Variants in PROKR2 observed in about 807,000 individuals in gnomAD.
PROKR2 encodes the protein prokineticin receptor 2, also known as G protein-coupled receptor 73-like 1.
A neutral mutation model predicts 23.4 loss-of-function variants in PROKR2; 26 were observed. The ratio of observed to expected loss-of-function variants is 1.11; its 90% CI spans 0.81 to 1.54. PROKR2 has a LOEUF of 1.54. Among genes scored for constraint, PROKR2 ranks in the 40% most tolerant of loss-of-function variants. The probability of loss-of-function intolerance (pLI) is 0.00; values close to 1 mark genes in which losing one functional copy is unlikely to be tolerated. For missense variants in PROKR2, 453 were observed against 511.5 expected (o/e 0.89, Z 1.10); for synonymous variants, 212 against 201.2 (o/e 1.05, Z -0.45).
rs1423028493 is a variant in PROKR2, at chr20:5,301,910, T to C, written c.*130A>G. 3.9e-6 allele frequency: 3 copies of C among 766,188 alleles called. No individual in the cohort carries two copies. Among genetic ancestry groups the C allele is most frequent in the Admixed American group, 2.4e-5 (1 of 42,308 alleles). 47.5% of individuals were successfully genotyped at this position (766,188 alleles called of 1,614,324 possible). A position where few individuals can be genotyped will look rare whatever the true frequency, so the allele number is the denominator to read the frequency against. On this transcript the variant is annotated 3_prime_UTR_variant, in exon 3 of 3. Coordinates refer to ENST00000678254, the MANE Select transcript of PROKR2 (RefSeq NM_144773.4). ...CATTGTATGTTACGACTTTGCAGCA[T>C]TCAGCTTCTTGAGGGCACGGGGGAG... is the stretch of plus-strand genomic sequence containing the variant.
intron 2 of PROKR2, 123 bp from the exon 3 acceptor site, chr20:5,302,859 T>A: frequency 1.4e-6 from 1 of 728,736 alleles, no homozygotes; most frequent in South Asian, 1.7e-5. Context: ...TTATCCAGCT[T>A]TAACAAGCTT....
At position 5,299,849 on chromosome 20, in the gene PROKR2, T is replaced by C. The variant is rs1456136411; in HGVS notation, c.*2191A>G. Among the ~76,000 whole-genome samples, 2 of 152,172 alleles carry C rather than the reference T, an allele frequency of 1.3e-5. No homozygotes were observed. The highest frequency in any genetic ancestry group is 4.8e-5 in the African/African-American group (2 of 41,438). On this transcript the variant is annotated 3_prime_UTR_variant, in exon 3 of 3. Coordinates refer to ENST00000678254, the MANE Select transcript of PROKR2 (RefSeq NM_144773.4). ...CATGTTGGCCAGGCTGGTCTTGAAC[T>C]CCTGACCTCAGGTGATCTGCCCATC...
intron 1 of PROKR2, among the ~76,000 whole-genome samples, chr20:5,315,573 G>C (rs1482177396): frequency 2.0e-5 from 3 of 152,124 alleles, no homozygotes; most frequent in Non-Finnish European, 4.4e-5. Flanking sequence ...CGGGATGCTG[G>C]GTAGCAAGGA....
At chr20:5,309,519 G>A (rs1407382625) in intron 2 of PROKR2, among the ~76,000 whole-genome samples, 4 of 152,134 alleles carry the variant, frequency 2.6e-5, no homozygotes, top group African/African-American at 9.7e-5. Flanking sequence ...CTCTTTCACA[G>A]TTAAAGATCT....
Position 5,299,832 on chromosome 20 carries a change from CCAGG to C in PROKR2, c.*2204_*2207del, listed in dbSNP as rs1978923034. ...GAGATGGGGTTTTTGGCCATGTTGG[CCAGG>C]CTGGTCTTGAACTCCTGACCTCAGG... is the stretch of plus-strand genomic sequence containing the variant. On this transcript the variant is annotated 3_prime_UTR_variant, in exon 3 of 3. Coordinates refer to ENST00000678254, the MANE Select transcript of PROKR2 (RefSeq NM_144773.4). Among the ~76,000 whole-genome samples the C allele has an allele frequency of 6.6e-6, 1 of 152,046 alleles. No homozygotes were observed. The highest frequency in any genetic ancestry group is 1.5e-5 in the Non-Finnish European group (1 of 68,026).
At chr20:5,312,944 T>A (rs1046167388) in intron 2 of PROKR2, among the ~76,000 whole-genome samples, 5 of 152,256 alleles carry the variant, frequency 3.3e-5, no homozygotes, top group African/African-American at 9.6e-5. Flanking sequence ...GTTCTACAGG[T>A]CTATAGGGTG....
chr20:5,316,400 GC>G lies in PROKR2; in HGVS notation c.-9+93del. The stretch of plus-strand genomic sequence containing the variant: ...TGGCGGGAGGCAAAGCAGCCGGAAT[GC>G]CCGAGAAAAAAGTGGGCGTCAGAGG... On this transcript the variant is annotated intron_variant, in intron 1 of 2. Coordinates refer to ENST00000678254, the MANE Select transcript of PROKR2 (RefSeq NM_144773.4). This position sits in a 1 kb window ranked among gnomAD's most constrained non-coding sequence, Gnocchi z 5.0. The G allele has an allele frequency of 2.2e-6, 1 of 456,250 alleles. No individual in the cohort carries two copies. The highest frequency in any genetic ancestry group is 1.5e-5 in the South Asian group (1 of 64,538). 28.3% of individuals were successfully genotyped at this position (456,250 alleles called of 1,614,324 possible).
intron 2 of PROKR2, among the ~76,000 whole-genome samples, chr20:5,310,906 T>C (rs1413063898): frequency 6.6e-6 from 1 of 152,208 alleles, no homozygotes; most frequent in Non-Finnish European, 1.5e-5. Flanking sequence ...TTAAAACACA[T>C]TGTCTTCTGG....
At chr20:5,313,273 A>G (rs6085088) in intron 2 of PROKR2, among the ~76,000 whole-genome samples, 77,645 of 152,182 alleles carry the variant, frequency 0.51, 20,130 homozygotes, top group African/African-American at 0.61. Flanking sequence ...GCACACCAAC[A>G]TATGCAGAAA....
Position 5,313,581 on chromosome 20 carries a change from CT to C in PROKR2, c.458+330del, listed in dbSNP as rs1979522144. Among the ~76,000 whole-genome samples, 3 of 152,366 alleles carry C rather than the reference CT, an allele frequency of 2.0e-5. No individual in the cohort carries two copies. In the South Asian group the frequency reaches 6.2e-4, roughly 32 times the overall value. Reference sequence around the variant, plus strand: ...TAGTACATGTTTTCCTGACTGGAAGCTGCCCTAGTTAACTCTCATGTGGCTT... The same window carrying C: ...TAGTACATGTTTTCCTGACTGGAAGCGCCCTAGTTAACTCTCATGTGGCTT... On this transcript the variant is annotated intron_variant, in intron 2 of 2. Coordinates refer to ENST00000678254, the MANE Select transcript of PROKR2 (RefSeq NM_144773.4).
chr20:5,315,831 G>C (rs1979648036), intron 1 of PROKR2: 1 of 456,474 alleles, frequency 2.2e-6, no homozygotes, highest in Non-Finnish European at 4.4e-6. Context: ...GCTCAGCGTG[G>C]GACCAAGAAT....
In PROKR2 at chr20:5,300,890, A is replaced by C. The variant is rs1314174882; in HGVS notation, c.*1150T>G. On this transcript the variant is annotated 3_prime_UTR_variant, in exon 3 of 3. Coordinates refer to ENST00000678254, the MANE Select transcript of PROKR2 (RefSeq NM_144773.4). Reference sequence around the variant, plus strand: ...AAATCCTTTGCACTGAGGAGGCAAAAATTGACACCTCAGGATTACCCATCT... The same window carrying C: ...AAATCCTTTGCACTGAGGAGGCAAACATTGACACCTCAGGATTACCCATCT... Among the ~76,000 whole-genome samples the C allele has an allele frequency of 6.6e-6, 1 of 152,186 alleles. No homozygotes were observed. The highest frequency in any genetic ancestry group is 1.5e-5 in the Non-Finnish European group (1 of 68,036).
chr20:5,307,083 C>G (rs1249726766), intron 2 of PROKR2, among the ~76,000 whole-genome samples: 1 of 152,150 alleles, frequency 6.6e-6, no homozygotes, highest in African/African-American at 2.4e-5. Context: ...GGAAGAGATT[C>G]CAGGAGGATC....
intron 2 of PROKR2, 124 bp from the exon 3 acceptor site, chr20:5,302,860 T>C: frequency 1.4e-6 from 1 of 732,080 alleles, no homozygotes; most frequent in Non-Finnish European, 2.3e-6. Context: ...TATCCAGCTT[T>C]AACAAGCTTC....
rs1978978864 is a variant in PROKR2, at chr20:5,301,320, AC to A, written c.*719del. Among the ~76,000 whole-genome samples the A allele has an allele frequency of 6.6e-6, 1 of 152,002 alleles. No homozygotes were observed. ...CAATCTCAGCTCACTGCAAACTCCA[AC>A]TCCCAGGTTCAAGCTATTCTCCTGC... On this transcript the variant is annotated 3_prime_UTR_variant, in exon 3 of 3. Coordinates refer to ENST00000678254, the MANE Select transcript of PROKR2 (RefSeq NM_144773.4).
intron 1 of PROKR2, 92 bp from the exon 2 acceptor site, chr20:5,314,469 T>C: frequency 1.9e-6 from 2 of 1,044,212 alleles, no homozygotes; most frequent in Non-Finnish European, 2.9e-6. Flanking sequence ...CCTGCCCACA[T>C]CCTTGGGGAG....
At chr20:5,311,104 C>T (rs925595784) in intron 2 of PROKR2, among the ~76,000 whole-genome samples, 3 of 152,136 alleles carry the variant, frequency 2.0e-5, no homozygotes, top group Non-Finnish European at 4.4e-5. Context: ...GATGATATTC[C>T]TATGCTTAAT....
chr20:5,312,391 G>A (rs979154330), intron 2 of PROKR2, among the ~76,000 whole-genome samples: 5 of 152,214 alleles, frequency 3.3e-5, no homozygotes, highest in Non-Finnish European at 7.3e-5. Flanking sequence ...ACAGACGTGA[G>A]CCACCGCACC....
rs1289711717 is a variant in PROKR2 at position 5,316,770 on chromosome 20, G to GC, written c.-286dup. Among the ~76,000 whole-genome samples, 1 of 152,136 alleles carries GC rather than the reference G, an allele frequency of 6.6e-6. No individual in the cohort carries two copies. The highest frequency in any genetic ancestry group is 1.5e-5 in the Non-Finnish European group (1 of 68,008). ...TGCGCCCCGCCCCGCGCTGGACTCC[G>GC]CCCCGGGGTCCCCGCCTGCCTCCTA... On this transcript the variant is annotated 5_prime_UTR_variant, in exon 1 of 3. Transcript: ENST00000678254. This position sits in a 1 kb window ranked among gnomAD's most constrained non-coding sequence, Gnocchi z 5.0.
Sources: allele counts gnomAD v4.1 joint callset (sites outside exome capture counted in the v4.1 genomes callset), GRCh38; gene constraint gnomAD v4.1.1; non-coding constraint Gnocchi (gnomAD v3.1); transcripts MANE v1.5; gene names NCBI Gene and HGNC (gene_info 2026-07-23, HGNC 2026-07-21).